TMEM108: variants seen among roughly 807,000 people sequenced by gnomAD.
The protein encoded by TMEM108 is transmembrane protein 108, also known as cancer/testis antigen 124.
TMEM108 carries 12 observed loss-of-function variants against 35.1 expected under a neutral mutation model. The ratio of observed to expected loss-of-function variants is 0.34; its 90% CI spans 0.22 to 0.55. The LOEUF is 0.55. TMEM108 is among the 20% of genes least tolerant of loss of function. The pLI is 0.89. For synonymous variants in TMEM108, 287 were observed against 308.6 expected (o/e 0.93, Z 0.73); for missense variants, 680 against 753.3 (o/e 0.90, Z 1.14).
At chr3:133,232,392 T>C (rs1946166194) in intron 3 of TMEM108, among the ~76,000 whole-genome samples, 2 of 152,146 alleles carry the variant, frequency 1.3e-5, no homozygotes, top group South Asian at 4.1e-4. Context: ...ATGTGATCTC[T>C]GCACATATTG....
At chr3:133,185,842 A>G (rs989312008) in intron 2 of TMEM108, among the ~76,000 whole-genome samples, 5 of 147,268 alleles carry the variant, frequency 3.4e-5, no homozygotes, top group Non-Finnish European at 5.9e-5. Context: ...AACTCAGCTC[A>G]CTGCAACCTC....
chr3:133,108,679 C>G (rs1000453187), intron 2 of TMEM108, among the ~76,000 whole-genome samples: 1 of 150,628 alleles, frequency 6.6e-6, no homozygotes, highest in Non-Finnish European at 1.5e-5. Flanking sequence ...GTGTTCATGT[C>G]CTTTGTAGGG....
chr3:133,320,907 T>A (rs577418467), intron 3 of TMEM108, among the ~76,000 whole-genome samples: 34 of 152,336 alleles, frequency 2.2e-4, no homozygotes, highest in Non-Finnish European at 4.6e-4. Context: ...GAATTTTGTA[T>A]TGAGCAAAAA....
intron 4 of TMEM108, among the ~76,000 whole-genome samples, chr3:133,384,659 G>A (rs190463877): frequency 9.2e-5 from 14 of 152,290 alleles, no homozygotes; most frequent in African/African-American, 2.4e-4. Flanking sequence ...CCATCAGGAC[G>A]CACAGAGCCC....
At chr3:133,302,415 CTTTTTTTTTTTT>C (rs927704510) in intron 3 of TMEM108, among the ~76,000 whole-genome samples, 1 of 110,102 alleles carries the variant, frequency 9.1e-6, no homozygotes, top group Non-Finnish European at 1.8e-5. Context: ...TTCTTTCTTT[CTTTTTTTTTTTT>C]TTTTTTTTTT....
chr3:133,046,697 A>G (rs1559815287), intron 2 of TMEM108, among the ~76,000 whole-genome samples: 1 of 152,204 alleles, frequency 6.6e-6, no homozygotes, highest in Non-Finnish European at 1.5e-5. Flanking sequence ...TTGAGACCAG[A>G]AGGAGAAATT....
At position 133,141,368 on chromosome 3, in the gene TMEM108, A is replaced by G. The variant is rs114303826; in HGVS notation, c.-46-87898A>G. On this transcript the variant is annotated intron_variant, in intron 2 of 5. Coordinates refer to ENST00000321871, the MANE Select transcript of TMEM108 (RefSeq NM_023943.4). The stretch of plus-strand genomic sequence containing the variant: ...CTAGAACTCATTTAGGAACATAGAC[A>G]TAAACCTCATTCACAGGGATGGGGC... Among the ~76,000 whole-genome samples the G allele has an allele frequency of 4.9e-3, 750 of 152,322 alleles. 6 individuals are homozygous for G. The highest frequency in any genetic ancestry group is 0.017 in the African/African-American group (712 of 41,568).
intron 2 of TMEM108, among the ~76,000 whole-genome samples, chr3:133,212,803 T>A (rs1377382010): frequency 1.4e-5 from 2 of 146,128 alleles, no homozygotes; most frequent in Non-Finnish European, 3.0e-5. Context: ...GCGGCGGAGG[T>A]TGCAGTAGGG....
At chr3:133,209,416 C>T (rs1446425645) in intron 2 of TMEM108, among the ~76,000 whole-genome samples, 1 of 152,088 alleles carries the variant, frequency 6.6e-6, no homozygotes, top group African/African-American at 2.4e-5. Flanking sequence ...AATACATAGG[C>T]AAAGCTGTCT....
intron 2 of TMEM108, among the ~76,000 whole-genome samples, chr3:133,117,145 A>G (rs1233149495): frequency 6.6e-6 from 1 of 152,200 alleles, no homozygotes; most frequent in Non-Finnish European, 1.5e-5. Context: ...TATTCAGACC[A>G]TTTCATAGGC....
intron 2 of TMEM108, among the ~76,000 whole-genome samples, chr3:133,139,098 T>C (rs1458349678): frequency 6.6e-6 from 1 of 152,232 alleles, no homozygotes; most frequent in Admixed American, 6.5e-5. Flanking sequence ...GAACTCATCC[T>C]TTTTAATGGC....
chr3:133,082,563 G>A (rs1250106134), intron 2 of TMEM108, among the ~76,000 whole-genome samples: 1 of 152,036 alleles, frequency 6.6e-6, no homozygotes, highest in African/African-American at 2.4e-5. Context: ...AATTAGTATT[G>A]CCCTCTTTCC....
At chr3:133,201,425 C>T (rs1414891297) in intron 2 of TMEM108, among the ~76,000 whole-genome samples, 1 of 152,120 alleles carries the variant, frequency 6.6e-6, no homozygotes, top group Non-Finnish European at 1.5e-5. Context: ...GTAGGTATTT[C>T]TTCTAATGCT....
intron 3 of TMEM108, among the ~76,000 whole-genome samples, chr3:133,229,598 C>T (rs1463021201): frequency 1.3e-5 from 2 of 152,176 alleles, no homozygotes; most frequent in Non-Finnish European, 2.9e-5. Flanking sequence ...ATAGTTACAA[C>T]TTGGACATCA....
At chr3:133,177,900 A>G (rs373457106) in intron 2 of TMEM108, among the ~76,000 whole-genome samples, 8 of 152,182 alleles carry the variant, frequency 5.3e-5, no homozygotes, top group Non-Finnish European at 1.0e-4. Flanking sequence ...ACATGATTGT[A>G]TATCTAGAAA....
In TMEM108 at chr3:133,218,320, T is replaced by C. The variant is rs190321166; in HGVS notation, c.-46-10946T>C. Among the ~76,000 whole-genome samples, 1,151 of 152,146 alleles carry C rather than the reference T, an allele frequency of 7.6e-3. 17 individuals carry two copies. The highest frequency in any genetic ancestry group is 8.4e-3 in the Non-Finnish European group (573 of 67,894). ...TGTTTTGGTGGATTCTTTAAGGTTT[T>C]CTATATATAATATTATGTCATCTGC... On this transcript the variant is annotated intron_variant, in intron 2 of 5. Transcript: ENST00000321871.
At chr3:133,275,884 C>T (rs75211294) in intron 3 of TMEM108, among the ~76,000 whole-genome samples, 2,168 of 152,248 alleles carry the variant, frequency 0.014, 62 homozygotes, top group African/African-American at 0.05. Flanking sequence ...GTCTGTATCA[C>T]AAAAACTGTT....
chr3:133,119,268 C>T (rs1325006749), intron 2 of TMEM108: 1 of 152,020 alleles, frequency 6.6e-6, no homozygotes, highest in African/African-American at 2.4e-5. Context: ...AGAGTAGGCA[C>T]TCCCCTCCAC....
At chr3:133,373,730 G>C (rs1351923467) in intron 3 of TMEM108, among the ~76,000 whole-genome samples, 2 of 152,220 alleles carry the variant, frequency 1.3e-5, no homozygotes, top group Admixed American at 1.3e-4. Flanking sequence ...AGTGTGCTTA[G>C]ATGCTCTTTT....
Sources: gnomAD v4.1 joint callset for allele counts (sites outside exome capture counted in the v4.1 genomes callset) on GRCh38, gnomAD v4.1.1 for gene constraint, MANE v1.5 for transcripts, NCBI Gene and HGNC (gene_info 2026-07-23, HGNC 2026-07-21) for gene names.